SH3PXD2A: variants seen among roughly 807,000 people sequenced by gnomAD.
The protein encoded by SH3PXD2A is SH3 and PX domains 2A.
In SH3PXD2A, 32 loss-of-function variants were observed where a neutral mutation model predicts 115.2. The ratio of observed to expected loss-of-function variants is 0.28; its 90% CI spans 0.21 to 0.37. The LOEUF is 0.37. SH3PXD2A is among the 10% of genes least tolerant of loss of function. The probability of loss-of-function intolerance (pLI) is 1.00; values close to 1 mark genes in which losing one functional copy is unlikely to be tolerated. For synonymous variants in SH3PXD2A, 610 were observed against 629.1 expected (o/e 0.97, Z 0.45); for missense variants, 1,328 against 1,498.7 (o/e 0.89, Z 1.88).
At chr10:103,731,135 G>T (rs1283542290) in intron 4 of SH3PXD2A, among the ~76,000 whole-genome samples, 1 of 151,816 alleles carries the variant, frequency 6.6e-6, no homozygotes, top group Non-Finnish European at 1.5e-5. Context: ...CTCGGGGGCA[G>T]CAGGACTCCT....
At chr10:103,753,562 GT>G (rs2038605431) in intron 3 of SH3PXD2A, among the ~76,000 whole-genome samples, 1 of 151,596 alleles carries the variant, frequency 6.6e-6, no homozygotes, top group African/African-American at 2.4e-5. Context: ...AGGGAACTGG[GT>G]TTGAAGCCCA....
chr10:103,649,623 G>A (rs1053484180), intron 8 of SH3PXD2A, among the ~76,000 whole-genome samples: 3 of 152,220 alleles, frequency 2.0e-5, no homozygotes, highest in Admixed American at 6.5e-5. Context: ...AGTCTCAAGC[G>A]CAAGACCCCA....
At chr10:103,671,546 A>G (rs569929771) in intron 6 of SH3PXD2A, among the ~76,000 whole-genome samples, 2 of 152,352 alleles carry the variant, frequency 1.3e-5, no homozygotes, top group South Asian at 4.1e-4. Context: ...GAATTAATCC[A>G]GTTCTGCTGC....
chr10:103,833,133 G>T (rs117710964), intron 1 of SH3PXD2A, among the ~76,000 whole-genome samples: 2,754 of 152,294 alleles, frequency 0.018, 48 homozygotes, highest in Admixed American at 0.029. Context: ...CAAGGGTATA[G>T]AATATTCTAA....
rs2036800015 is a variant in SH3PXD2A at position 103,632,776 on chromosome 10, C to T, written c.605-5574G>A. ...AGATCACAAGGTCAAGAGATCGAGA[C>T]CAGCCCAGCCAACATGGTGAAACCC... On this transcript the variant is annotated intron_variant, in intron 8 of 14. Coordinates refer to ENST00000369774, the MANE Select transcript of SH3PXD2A (RefSeq NM_001394015.1). 2.6e-5 allele frequency among the ~76,000 whole-genome samples: 4 copies of T among 152,256 alleles called. No homozygotes were observed. In the South Asian group the frequency reaches 8.3e-4, roughly 32 times the overall value.
intron 5 of SH3PXD2A, among the ~76,000 whole-genome samples, chr10:103,721,658 G>C (rs1402630103): frequency 7.2e-5 from 11 of 152,180 alleles, no homozygotes; most frequent in African/African-American, 2.7e-4. Flanking sequence ...CCCACGTAGG[G>C]AGGAGCATCT....
chr10:103,814,858 C>T (rs2039307702), intron 1 of SH3PXD2A, among the ~76,000 whole-genome samples: 2 of 152,106 alleles, frequency 1.3e-5, no homozygotes, highest in Admixed American at 6.5e-5. Context: ...CTGACGGCCC[C>T]AATAAAATGG....
rs1036296868 is a variant in SH3PXD2A at position 103,784,899 on chromosome 10, G to A, written c.153+16383C>T. Among the ~76,000 whole-genome samples the A allele has an allele frequency of 2.0e-4, 31 of 152,118 alleles. No individual in the cohort carries two copies. The highest frequency in any genetic ancestry group is 7.9e-4 in the Admixed American group (12 of 15,276). On this transcript the variant is annotated intron_variant, in intron 2 of 14. Coordinates refer to ENST00000369774, the MANE Select transcript of SH3PXD2A (RefSeq NM_001394015.1). This position sits in a 1 kb window ranked among gnomAD's most constrained non-coding sequence, Gnocchi z 4.4. The stretch of plus-strand genomic sequence containing the variant: ...CTTACACGCAGAGACACCTGGGAGC[G>A]GCAGCCTACTAGGCGTGTCTGCTTA...
rs1355797918 is a variant in SH3PXD2A at position 103,627,647 on chromosome 10, C to T, written c.605-445G>A. ...CTCACAGACAGTCTCTAACGGTCAA[C>T]GGTTGCCTTTTCCCCATCGCGGGTC... On this transcript the variant is annotated intron_variant, in intron 8 of 14. Coordinates refer to ENST00000369774, the MANE Select transcript of SH3PXD2A (RefSeq NM_001394015.1). This position sits in a 1 kb window ranked among gnomAD's most constrained non-coding sequence, Gnocchi z 4.4. Among the ~76,000 whole-genome samples, 3 of 152,230 alleles carry T rather than the reference C, an allele frequency of 2.0e-5. No individual in the cohort carries two copies. The highest frequency in any genetic ancestry group is 2.9e-5 in the Non-Finnish European group (2 of 68,040).
intron 1 of SH3PXD2A, among the ~76,000 whole-genome samples, chr10:103,840,833 GGTT>G (rs111355196): frequency 0.13 from 19,072 of 152,080 alleles, 2,209 homozygotes; most frequent in African/African-American, 0.31. Flanking sequence ...CTGTTGTTAC[GGTT>G]GTTATTGTTA....
At chr10:103,734,815 T>A (rs1469298009) in intron 4 of SH3PXD2A, among the ~76,000 whole-genome samples, 1 of 152,256 alleles carries the variant, frequency 6.6e-6, no homozygotes, top group African/African-American at 2.4e-5. Context: ...GTTTATTTAA[T>A]ACAAATTGTT....
intron 2 of SH3PXD2A, among the ~76,000 whole-genome samples, chr10:103,799,139 C>A (rs1255910087): frequency 6.6e-6 from 1 of 152,108 alleles, no homozygotes; most frequent in Non-Finnish European, 1.5e-5. Flanking sequence ...GGGAATGTGC[C>A]CCCAGTGCCT....
chr10:103,649,232 CT>C (rs1301472219), intron 8 of SH3PXD2A, among the ~76,000 whole-genome samples: 1 of 152,200 alleles, frequency 6.6e-6, no homozygotes, highest in Non-Finnish European at 1.5e-5. Context: ...AATGGGGAAG[CT>C]TGGTATCTGG....
At chr10:103,606,855 C>G (rs1352223108) in intron 13 of SH3PXD2A, among the ~76,000 whole-genome samples, 1 of 152,250 alleles carries the variant, frequency 6.6e-6, no homozygotes, top group Non-Finnish European at 1.5e-5. Flanking sequence ...CAACCTCCAC[C>G]TCCCAGCCGC....
chr10:103,703,042 T>C (rs1426995197), intron 5 of SH3PXD2A, among the ~76,000 whole-genome samples: 4 of 152,194 alleles, frequency 2.6e-5, no homozygotes, highest in African/African-American at 4.8e-5. Context: ...TCCCCAGCCC[T>C]GGCCTAGTTT....
Position 103,602,359 on chromosome 10 carries a change from A to G in SH3PXD2A, c.2859T>C (p.Pro953=), listed in dbSNP as rs771265169. 6 of 1,613,432 alleles carry G rather than the reference A, an allele frequency of 3.7e-6. No homozygotes were observed. The highest frequency in any genetic ancestry group is 5.1e-6 in the Non-Finnish European group (6 of 1,179,786). Residue 953 remains proline (P), a synonymous_variant, in exon 15 of 15, where the codon CCT becomes CCC. Coordinates refer to ENST00000369774, the MANE Select transcript of SH3PXD2A (RefSeq NM_001394015.1). The part of the protein sequence containing the change: ...KKATPPIPSK[P]PGGFGKTSGT... ...CTGAGGTCTTGCCGAAGCCCCCGGG[A>G]GGTTTGGAGGGGATGGGGGGCGTGG...
chr10:103,833,947 C>A (rs1441505290), intron 1 of SH3PXD2A, among the ~76,000 whole-genome samples: 1 of 152,160 alleles, frequency 6.6e-6, no homozygotes, highest in African/African-American at 2.4e-5. Flanking sequence ...TGTCTCTCCC[C>A]TCCCCCTCCC....
At chr10:103,606,818 G>A (rs1004402472) in intron 13 of SH3PXD2A, among the ~76,000 whole-genome samples, 15 of 152,254 alleles carry the variant, frequency 9.9e-5, no homozygotes, top group African/African-American at 3.6e-4. Flanking sequence ...CCAGGCTGGA[G>A]TGCAGCGGCG....
intron 6 of SH3PXD2A, among the ~76,000 whole-genome samples, chr10:103,669,040 C>T (rs2037423686): frequency 1.3e-5 from 2 of 152,212 alleles, no homozygotes; most frequent in Non-Finnish European, 2.9e-5. Flanking sequence ...CTGATGGTTG[C>T]AAGGATCCTC....
Sources: allele counts gnomAD v4.1 joint callset (sites outside exome capture counted in the v4.1 genomes callset), GRCh38; gene constraint gnomAD v4.1.1; non-coding constraint Gnocchi (gnomAD v3.1); transcripts MANE v1.5; gene names NCBI Gene and HGNC (gene_info 2026-07-23, HGNC 2026-07-21).